Variants in SEMA3D observed in about 807,000 individuals in gnomAD.
SEMA3D encodes semaphorin 3D.
SEMA3D carries 84 observed loss-of-function variants against 100.1 expected under a neutral mutation model. That is an observed-to-expected ratio of 0.84 (90% CI 0.70 to 1.01). The LOEUF (loss-of-function observed/expected upper bound fraction) is 1.01, where lower values mean the gene tolerates loss of function less well. Ranked by LOEUF, SEMA3D falls within the 50% of genes least tolerant of loss-of-function variation. SEMA3D has a pLI of 0.00. For synonymous variants in SEMA3D, 312 were observed against 320.7 expected (o/e 0.97, Z 0.29); for missense variants, 875 against 934.1 (o/e 0.94, Z 0.82).
upstream of SEMA3D, among the ~76,000 whole-genome samples, chr7:85,188,068 G>A (rs1356937509): frequency 6.6e-6 from 1 of 152,180 alleles, no homozygotes; most frequent in Non-Finnish European, 1.5e-5. Context: ...AGCTTCCTTA[G>A]CAAGTAACAA....
At chr7:85,224,445 T>C in the SEMA3D span, among the ~76,000 whole-genome samples, 1 of 152,138 alleles carries the variant, frequency 6.6e-6, no homozygotes, top group Non-Finnish European at 1.5e-5. Context: ...AATGGAACTA[T>C]GTAATAGGAA....
At chr7:85,188,920 G>A (rs1488796231), upstream of SEMA3D, among the ~76,000 whole-genome samples, 7 of 152,144 alleles carry the variant, frequency 4.6e-5, no homozygotes, top group Non-Finnish European at 1.0e-4. Context: ...GCATGTGTCT[G>A]CATCCCATAC....
chr7:85,031,881 C>T (rs1403602257), intron 12 of SEMA3D, among the ~76,000 whole-genome samples: 1 of 151,750 alleles, frequency 6.6e-6, no homozygotes, highest in Admixed American at 6.6e-5. Flanking sequence ...AATTGGGCTG[C>T]TTTTAGAAAA....
intron 17 of SEMA3D, among the ~76,000 whole-genome samples, chr7:85,007,920 G>T (rs892810601): frequency 6.6e-6 from 1 of 151,752 alleles, no homozygotes; most frequent in African/African-American, 2.4e-5. Flanking sequence ...TTCTTTTCAA[G>T]AAACTAATTT....
At chr7:85,090,808 G>A (rs893149052) in intron 4 of SEMA3D, among the ~76,000 whole-genome samples, 4 of 152,006 alleles carry the variant, frequency 2.6e-5, no homozygotes, top group African/African-American at 9.7e-5. Flanking sequence ...CTTCCTTAAA[G>A]AAAGGGAAAT....
chr7:85,079,740 C>T (rs1254516253), intron 5 of SEMA3D, among the ~76,000 whole-genome samples: 2 of 152,204 alleles, frequency 1.3e-5, no homozygotes, highest in African/African-American at 4.8e-5. Flanking sequence ...CCTTTTCCTT[C>T]TTGCCTCCTT....
intron 12 of SEMA3D, among the ~76,000 whole-genome samples, chr7:85,031,198 A>T (rs532243034): frequency 1.2e-3 from 177 of 152,150 alleles, no homozygotes; most frequent in African/African-American, 4.0e-3. Flanking sequence ...TGAAAGTTGT[A>T]GTGTTTATTT....
chr7:85,078,634 C>G (rs563995038), intron 5 of SEMA3D, among the ~76,000 whole-genome samples: 1 of 152,254 alleles, frequency 6.6e-6, no homozygotes, highest in East Asian at 1.9e-4. Context: ...TCATCTCTAC[C>G]CTTCTTTGGA....
rs931336552 is a variant in SEMA3D at position 85,059,989 on chromosome 7, T to A, written c.719-4130A>T. Among the ~76,000 whole-genome samples the A allele has an allele frequency of 2.6e-5, 4 of 152,176 alleles. No individual in the cohort carries two copies. The East Asian group carries it at 7.7e-4, about 29-fold the overall frequency. On this transcript the variant is annotated intron_variant, in intron 8 of 18. Transcript: ENST00000284136. ...TGATACTAGTCTACATTTCAGAAATTTCAGTATGACATCAATGAGGTGGGA... is the reference window on the plus strand; with the variant it reads ...TGATACTAGTCTACATTTCAGAAATATCAGTATGACATCAATGAGGTGGGA...
chr7:85,143,675 T>G (rs1790118652), intron 2 of SEMA3D, among the ~76,000 whole-genome samples: 1 of 152,050 alleles, frequency 6.6e-6, no homozygotes, highest in Non-Finnish European at 1.5e-5. Flanking sequence ...ATAATCCAGT[T>G]GTATAATATC....
intron 3 of SEMA3D, among the ~76,000 whole-genome samples, chr7:85,101,755 G>A (rs1426088545): frequency 6.6e-6 from 1 of 151,888 alleles, no homozygotes; most frequent in Non-Finnish European, 1.5e-5. Context: ...ATGATTCAAG[G>A]AGGTAATTTA....
chr7:85,057,288 G>A (rs758960800), intron 8 of SEMA3D, among the ~76,000 whole-genome samples: 19 of 151,990 alleles, frequency 1.3e-4, no homozygotes, highest in Non-Finnish European at 1.8e-4. Flanking sequence ...TAACAGATGC[G>A]TAATAGGATG....
At chr7:85,059,352 A>G (rs73712103) in intron 8 of SEMA3D, among the ~76,000 whole-genome samples, 6,554 of 152,268 alleles carry the variant, frequency 0.043, 469 homozygotes, top group African/African-American at 0.15. Flanking sequence ...AGTAATTTGA[A>G]TGGGAAAAAT....
At chr7:85,113,694 C>A (rs1250795329) in intron 3 of SEMA3D, among the ~76,000 whole-genome samples, 5 of 151,262 alleles carry the variant, frequency 3.3e-5, no homozygotes, top group Non-Finnish European at 7.4e-5. Context: ...TCGCTTGAAC[C>A]CAGGAGGTGG....
At chr7:85,103,979 A>G (rs1055123954) in intron 3 of SEMA3D, among the ~76,000 whole-genome samples, 1 of 152,020 alleles carries the variant, frequency 6.6e-6, no homozygotes, top group Non-Finnish European at 1.5e-5. Context: ...GTATGTGTGC[A>G]TTTTTTGAAG....
chr7:85,211,978 T>C, the SEMA3D span, among the ~76,000 whole-genome samples: 2 of 152,144 alleles, frequency 1.3e-5, no homozygotes, highest in African/African-American at 4.8e-5. Flanking sequence ...GCTGTAGTGA[T>C]TAAGTTTTTG....
intron 4 of SEMA3D, among the ~76,000 whole-genome samples, chr7:85,095,553 C>A (rs895769478): frequency 3.9e-5 from 6 of 152,076 alleles, no homozygotes; most frequent in African/African-American, 1.4e-4. Context: ...GAGTTTGGAT[C>A]TTTGCCGAGG....
Position 85,097,804 on chromosome 7 carries a change from C to G in SEMA3D, c.312+1G>C. Reference sequence around the variant, plus strand: ...CCAAATGTATATATAAATATACTGACCTTCTTAAAATTTTTGTTTAAGTCA... The same window carrying G: ...CCAAATGTATATATAAATATACTGAGCTTCTTAAAATTTTTGTTTAAGTCA... On this transcript the variant is annotated splice_donor_variant, in intron 4 of 18. Transcript: ENST00000284136. LOFTEE classifies it high-confidence loss of function. 4.5e-6 allele frequency: 7 copies of G among 1,562,298 alleles called. No homozygotes were observed. Among genetic ancestry groups the G allele is most frequent in the Non-Finnish European group, 6.1e-6 (7 of 1,140,402 alleles).
At position 85,072,964 on chromosome 7, in the gene SEMA3D, C is replaced by A; in HGVS notation, c.493G>T (p.Glu165Ter). ...CGYIDLGVYKEDIIFKLDTHN... is the reference protein window; with the variant it reads ...CGYIDLGVYK ...TTCATGCTTTTTCATTATATTACCTCCTTGTAGACTCCAAGATCAATATAC... is the reference window on the plus strand; with the variant it reads ...TTCATGCTTTTTCATTATATTACCTACTTGTAGACTCCAAGATCAATATAC... The change falls in exon 6 of 19, where the codon GAG becomes TAG. Residue 165 changes from glutamate (E) to a stop codon, truncating the protein, a stop_gained and splice_region_variant. Transcript: ENST00000284136. LOFTEE classifies it high-confidence loss of function. 6.2e-7 allele frequency: 1 copy of A among 1,600,016 alleles called. No homozygotes were observed. The highest frequency in any genetic ancestry group is 1.1e-5 in the South Asian group (1 of 88,648).
Sources: gnomAD v4.1 joint callset for allele counts (sites outside exome capture counted in the v4.1 genomes callset) on GRCh38, gnomAD v4.1.1 for gene constraint, MANE v1.5 for transcripts, NCBI Gene and HGNC (gene_info 2026-07-23, HGNC 2026-07-21) for gene names.